DOCK3: variants seen among roughly 807,000 people sequenced by gnomAD.
DOCK3 encodes dedicator of cytokinesis protein 3.
DOCK3 carries 60 observed loss-of-function variants against 265.6 expected under a neutral mutation model. That is an observed-to-expected ratio of 0.23 (90% confidence interval 0.18 to 0.28). The LOEUF (loss-of-function observed/expected upper bound fraction) is 0.28. Ranked by LOEUF, DOCK3 falls within the 10% of genes least tolerant of loss-of-function variation. The pLI, the probability that DOCK3 is intolerant of heterozygous loss-of-function variation, is 1.00. For synonymous variants in DOCK3, 881 were observed against 938.0 expected (o/e 0.94, Z 1.11); for missense variants, 1,981 against 2,594.3 (o/e 0.76, Z 5.14).
At chr3:50,890,815 T>C (rs74844562) in intron 4 of DOCK3, among the ~76,000 whole-genome samples, 3,439 of 151,978 alleles carry the variant, frequency 0.023, 63 homozygotes, top group Non-Finnish European at 0.033. Context: ...TTCAGGAAAA[T>C]AGAAACATGA....
At chr3:51,006,852 C>T (rs1474702737) in intron 5 of DOCK3, among the ~76,000 whole-genome samples, 1 of 152,128 alleles carries the variant, frequency 6.6e-6, no homozygotes, top group Non-Finnish European at 1.5e-5. Flanking sequence ...CAATTCCCAC[C>T]TATGAGTGAG....
intron 22 of DOCK3, among the ~76,000 whole-genome samples, chr3:51,248,037 A>ATCAT (rs1297646926): frequency 2.0e-5 from 3 of 152,242 alleles, no homozygotes; most frequent in Non-Finnish European, 4.4e-5. Context: ...CATTCGTTTA[A>ATCAT]TCATTCAGTC....
chr3:50,718,802 T>A (rs1293439168), intron 1 of DOCK3, among the ~76,000 whole-genome samples: 82 of 97,404 alleles, frequency 8.4e-4, no homozygotes, highest in African/African-American at 2.6e-3. Flanking sequence ...TTTTTTTTTT[T>A]AAGACAGAAT....
rs1577007079 is a variant in DOCK3 at position 51,381,715 on chromosome 3, CAT to C, written c.*157_*158del. ...AGTCTCCGTTCTACTGCCGTGAACTCATGTGTTGCCATGTACAGAGGCCACAG... is the reference window on the plus strand; with the variant it reads ...AGTCTCCGTTCTACTGCCGTGAACTCGTGTTGCCATGTACAGAGGCCACAG... On this transcript the variant is annotated 3_prime_UTR_variant, in exon 53 of 53. Transcript: ENST00000266037. The surrounding 1 kb of genome is among the most constrained non-coding windows in gnomAD (Gnocchi z 5.6). The C allele has an allele frequency of 8.0e-6, 8 of 1,004,202 alleles. No homozygotes were observed. The highest frequency in any genetic ancestry group is 2.7e-5 in the East Asian group (1 of 37,492). The allele number at this position is 1,004,202 out of a possible 1,614,324, so 62.2% of individuals were successfully genotyped here. A position where few individuals can be genotyped will look rare whatever the true frequency, so the allele number is the denominator to read the frequency against.
At chr3:51,021,863 G>T (rs962960522) in intron 5 of DOCK3, among the ~76,000 whole-genome samples, 1 of 151,720 alleles carries the variant, frequency 6.6e-6, no homozygotes, top group East Asian at 1.9e-4. Context: ...GGGTTTCACT[G>T]TGTTGGCCAG....
In DOCK3 at chr3:51,081,618, G is replaced by A. The variant is rs201978267; in HGVS notation, c.549+6178G>A. On this transcript the variant is annotated intron_variant, in intron 7 of 52. Transcript: ENST00000266037. ...GTGAGTCAAGATTCAAAACTAGGCC[G>A]GTCATGGTGGCTCACGCCTGTAATC... is the stretch of plus-strand genomic sequence containing the variant. 5.3e-5 allele frequency among the ~76,000 whole-genome samples: 8 copies of A among 152,008 alleles called. No homozygotes were observed. The East Asian group carries it at 9.6e-4, about 18-fold the overall frequency.
chr3:50,857,249 C>T lies in DOCK3; in HGVS notation c.162+15534C>T, dbSNP rs192983550. Among the ~76,000 whole-genome samples the T allele has an allele frequency of 8.5e-5, 13 of 152,138 alleles. No homozygotes were observed. In the East Asian group the frequency reaches 1.9e-3, roughly 23 times the overall value. On this transcript the variant is annotated intron_variant, in intron 3 of 52. Coordinates refer to ENST00000266037, the MANE Select transcript of DOCK3 (RefSeq NM_004947.5). Reference sequence around the variant, plus strand: ...TTGGAATAGTTTTGGTAAGATTGGTCGCAGCTCTTCTTTGTACATCTGTTA... The same window carrying T: ...TTGGAATAGTTTTGGTAAGATTGGTTGCAGCTCTTCTTTGTACATCTGTTA...
At chr3:50,966,483 G>GTTTTTTTTTTTTTTTTTCTTTT (rs140247895) in intron 5 of DOCK3, among the ~76,000 whole-genome samples, 4 of 116,902 alleles carry the variant, frequency 3.4e-5, no homozygotes, top group Non-Finnish European at 3.5e-5. Flanking sequence ...GTTATCTCTT[G>GTTTTTTTTTTTTTTTTTCTTTT]TTTTTTTTTT....
At chr3:51,140,092 A>AC (rs1456774647) in intron 9 of DOCK3, among the ~76,000 whole-genome samples, 1 of 152,240 alleles carries the variant, frequency 6.6e-6, no homozygotes, top group Non-Finnish European at 1.5e-5. Context: ...GTTTTCTGTA[A>AC]CAGCCTTTTG....
At chr3:50,965,707 T>C (rs563035898) in intron 5 of DOCK3, among the ~76,000 whole-genome samples, 3 of 152,282 alleles carry the variant, frequency 2.0e-5, no homozygotes, top group African/African-American at 7.2e-5. Context: ...TTTAGAATTT[T>C]ACATGTTTAT....
chr3:50,744,971 A>T (rs1360986213), intron 1 of DOCK3, among the ~76,000 whole-genome samples: 1 of 152,150 alleles, frequency 6.6e-6, no homozygotes, highest in Non-Finnish European at 1.5e-5. Context: ...ACAATTTTGT[A>T]GTAAGCTTTG....
intron 12 of DOCK3, among the ~76,000 whole-genome samples, chr3:51,170,356 T>A (rs1370425302): frequency 6.6e-6 from 1 of 152,174 alleles, no homozygotes; most frequent in Non-Finnish European, 1.5e-5. Flanking sequence ...TTTAGTAGAC[T>A]TCACCCATGA....
At chr3:51,088,209 A>G (rs981689509) in intron 7 of DOCK3, among the ~76,000 whole-genome samples, 1 of 152,158 alleles carries the variant, frequency 6.6e-6, no homozygotes, top group East Asian at 1.9e-4. Flanking sequence ...AACAAAAACA[A>G]AAAAATGTGC....
intron 1 of DOCK3, among the ~76,000 whole-genome samples, chr3:50,716,787 G>T (rs929955277): frequency 6.6e-6 from 1 of 151,104 alleles, no homozygotes; most frequent in Non-Finnish European, 1.5e-5. Flanking sequence ...TTTAAATTTG[G>T]ATCTTATTTA....
chr3:50,921,821 C>G (rs1299800941), intron 4 of DOCK3, among the ~76,000 whole-genome samples: 2 of 152,196 alleles, frequency 1.3e-5, no homozygotes, highest in Non-Finnish European at 1.5e-5. Flanking sequence ...TGGAGGTCCA[C>G]TCCAGACCCT....
chr3:51,178,074 A>G (rs372503097), intron 12 of DOCK3, among the ~76,000 whole-genome samples: 14 of 151,616 alleles, frequency 9.2e-5, no homozygotes, highest in African/African-American at 3.4e-4. Context: ...AAATCCATCT[A>G]TATGATATTA....
intron 3 of DOCK3, chr3:50,877,537 C>A (rs2047767480): frequency 3.8e-6 from 2 of 519,994 alleles, no homozygotes; most frequent in Non-Finnish European, 7.7e-6. Context: ...GATGAAGATA[C>A]TGACTGTGTT....
rs774513643 is a variant in DOCK3, at chr3:51,356,161, G to A, written c.4322G>A (p.Arg1441Gln). ...DVLQMDRVPD[R>Q]VKSFYRVNNV... ...CTGCAGATGGATAGGGTACCAGATCGAGTCAAGAGCTTCTATCGCGTCAAC... is the reference window on the plus strand; with the variant it reads ...CTGCAGATGGATAGGGTACCAGATCAAGTCAAGAGCTTCTATCGCGTCAAC... Residue 1441 changes from arginine (R) to glutamine (Q), a missense_variant, in exon 42 of 53, where the codon CGA becomes CAA. By Grantham distance (43) the Arg-to-Gln change is conservative. Transcript: ENST00000266037. 6.8e-6 allele frequency: 11 copies of A among 1,613,986 alleles called. No homozygotes were observed. The highest frequency in any genetic ancestry group is 2.2e-5 in the East Asian group (1 of 44,880).
chr3:51,058,519 TTATG>T (rs1168306443), intron 5 of DOCK3, among the ~76,000 whole-genome samples: 1 of 152,236 alleles, frequency 6.6e-6, no homozygotes, highest in African/African-American at 2.4e-5. Context: ...TATTGTGCAT[TTATG>T]TATGTATTAC....
Sources: allele counts gnomAD v4.1 joint callset (sites outside exome capture counted in the v4.1 genomes callset), GRCh38; gene constraint gnomAD v4.1.1; non-coding constraint Gnocchi (gnomAD v3.1); transcripts MANE v1.5; gene names NCBI Gene and HGNC (gene_info 2026-07-23, HGNC 2026-07-21).